Variants in CACUL1 observed in about 807,000 individuals in gnomAD.
The protein encoded by CACUL1 is CDK2-associated and cullin domain-containing protein 1.
Under a neutral mutation model 45.2 loss-of-function variants are expected in CACUL1, and 13 were observed. That is an observed-to-expected ratio of 0.29 (90% confidence interval 0.19 to 0.46). CACUL1 has a LOEUF of 0.46. Among genes scored for constraint, CACUL1 ranks in the 20% least tolerant of loss-of-function variants. The pLI, the probability that CACUL1 is intolerant of heterozygous loss-of-function variation, is 1.00. For missense variants in CACUL1, 421 were observed against 471.4 expected, an observed-to-expected ratio of 0.89 and a Z score of 0.99; for synonymous variants, 197 against 174.2, an observed-to-expected ratio of 1.13 and a Z score of -1.03.
At chr10:118,691,128 T>C in intron 7 of CACUL1, 137 bp downstream of exon 7, 1 of 710,694 alleles carries the variant, frequency 1.4e-6, no homozygotes, top group Non-Finnish European at 2.4e-6. Context: ...GACAAGGAGC[T>C]AATGTCTTCT....
intron 3 of CACUL1, among the ~76,000 whole-genome samples, chr10:118,726,732 T>G (rs1430529694): frequency 1.3e-5 from 2 of 152,222 alleles, no homozygotes; most frequent in African/African-American, 4.8e-5. Flanking sequence ...GTAAATCTAC[T>G]TCCTTTTGAT....
chr10:118,742,920 T>C (rs1009063313), intron 1 of CACUL1, among the ~76,000 whole-genome samples: 2 of 152,152 alleles, frequency 1.3e-5, no homozygotes, highest in Non-Finnish European at 2.9e-5. Context: ...TGCTGAACAA[T>C]GAAGAAAGAA....
intron 1 of CACUL1, among the ~76,000 whole-genome samples, chr10:118,733,946 G>A (rs1845720151): frequency 6.6e-6 from 1 of 152,186 alleles, no homozygotes; most frequent in South Asian, 2.1e-4. Context: ...AAGCCCAAAG[G>A]TCAAGGTTGC....
At chr10:118,704,214 G>GAAAAAAAAAAAA (rs563822145) in intron 4 of CACUL1, among the ~76,000 whole-genome samples, 1 of 129,700 alleles carries the variant, frequency 7.7e-6, no homozygotes, top group African/African-American at 2.9e-5. Context: ...CATCGCTACT[G>GAAAAAAAAAAAA]AAAAAAAAAA....
intron 5 of CACUL1, among the ~76,000 whole-genome samples, chr10:118,698,982 G>A (rs369897476): frequency 2.0e-5 from 3 of 152,286 alleles, no homozygotes; most frequent in East Asian, 3.9e-4. Flanking sequence ...ATTAATAGCT[G>A]TGCTATTCTG....
In CACUL1 at chr10:118,731,170, A is replaced by G. The variant is rs77655108; in HGVS notation, c.368-760T>C. On this transcript the variant is annotated intron_variant, in intron 1 of 8. Transcript: ENST00000369151. Reference sequence around the variant, plus strand: ...GTTGCTTCACGGCACTGAAATGTTAATATTAAAAAAAGAGCTACCAGAAGA... The same window carrying G: ...GTTGCTTCACGGCACTGAAATGTTAGTATTAAAAAAAGAGCTACCAGAAGA... Among the ~76,000 whole-genome samples the G allele has an allele frequency of 3.8e-3, 582 of 152,300 alleles. 30 individuals carry two copies. The East Asian group carries it at 0.1, about 26-fold the overall frequency.
chr10:118,735,305 A>G (rs1163796607), intron 1 of CACUL1, among the ~76,000 whole-genome samples: 1 of 152,238 alleles, frequency 6.6e-6, no homozygotes, highest in Non-Finnish European at 1.5e-5. Flanking sequence ...GGAAGAATAA[A>G]TTCAGGAATT....
rs970866959 is a variant in CACUL1 at position 118,676,921 on chromosome 10, G to A, written c.*9207C>T. The A allele has an allele frequency of 6.6e-6, 1 of 152,012 alleles. No individual in the cohort carries two copies. Among genetic ancestry groups the A allele is most frequent in the Non-Finnish European group, 1.5e-5 (1 of 68,014 alleles). The allele number at this position is 152,012 out of a possible 1,614,324, so 9.4% of individuals were successfully genotyped here. On this transcript the variant is annotated 3_prime_UTR_variant, in exon 9 of 9. Coordinates refer to ENST00000369151, the MANE Select transcript of CACUL1 (RefSeq NM_153810.5). ...TAAAGGCAGGTGAGTGAGTTTAATAGGGTTTTCGGTTTCATTGCTTGTATT... is the reference window on the plus strand; with the variant it reads ...TAAAGGCAGGTGAGTGAGTTTAATAAGGTTTTCGGTTTCATTGCTTGTATT...
chr10:118,697,411 AATC>A (rs1191105122), intron 5 of CACUL1, among the ~76,000 whole-genome samples: 2 of 152,350 alleles, frequency 1.3e-5, no homozygotes, highest in African/African-American at 2.4e-5. Context: ...TATACGCAAC[AATC>A]ATCCCACAGA....
In CACUL1 at chr10:118,682,696, A is replaced by G. The variant is rs1234706419; in HGVS notation, c.*3432T>C. On this transcript the variant is annotated 3_prime_UTR_variant, in exon 9 of 9. Transcript: ENST00000369151. ...CATGCAAACTCTTCCTGAGGAATTT[A>G]TGTGTGCAAATCTGCAACCCGACAG... The G allele has an allele frequency of 2.0e-5, 3 of 152,658 alleles. No individual in the cohort carries two copies. Among genetic ancestry groups the G allele is most frequent in the Admixed American group, 1.3e-4 (2 of 15,284 alleles). The allele number at this position is 152,658 out of a possible 1,614,324, so 9.5% of individuals were successfully genotyped here. A position where few individuals can be genotyped will look rare whatever the true frequency, so the allele number is the denominator to read the frequency against.
At chr10:118,730,477 T>C in intron 1 of CACUL1, 67 bp from the exon 2 acceptor site, 1 of 1,427,716 alleles carries the variant, frequency 7.0e-7, no homozygotes, top group Non-Finnish European at 9.6e-7. Flanking sequence ...ATCACAGCCA[T>C]TTTGCACTCT....
intron 3 of CACUL1, among the ~76,000 whole-genome samples, chr10:118,719,462 G>C (rs548489459): frequency 6.6e-6 from 1 of 152,090 alleles, no homozygotes; most frequent in African/African-American, 2.4e-5. Context: ...GATGTGTCAT[G>C]GCCCTAGAAG....
intron 1 of CACUL1, among the ~76,000 whole-genome samples, chr10:118,742,989 T>C (rs998439937): frequency 1.2e-4 from 19 of 152,222 alleles, no homozygotes; most frequent in African/African-American, 4.6e-4. Context: ...TTATTCACTA[T>C]ACTACTTCAA....
intron 3 of CACUL1, among the ~76,000 whole-genome samples, chr10:118,708,755 A>G (rs1012510644): frequency 6.6e-6 from 1 of 152,156 alleles, no homozygotes; most frequent in African/African-American, 2.4e-5. Context: ...GGCTCAGAAA[A>G]AAGGCCATGT....
chr10:118,697,865 C>T (rs76001466), intron 5 of CACUL1, among the ~76,000 whole-genome samples: 3 of 152,274 alleles, frequency 2.0e-5, no homozygotes, highest in African/African-American at 4.8e-5. Context: ...CAACATACGA[C>T]GTAAATACTT....
At chr10:118,691,489 A>G (rs1845265772) in intron 6 of CACUL1, 86 bp from the exon 7 acceptor site, 2 of 1,233,262 alleles carry the variant, frequency 1.6e-6, no homozygotes, top group African/African-American at 3.0e-5. Context: ...TTTAAAATAT[A>G]TAGTAAGCCA....
rs536913519 is a variant in CACUL1, at chr10:118,690,465, T to C, written c.1025+800A>G. Among the ~76,000 whole-genome samples, 16 of 152,274 alleles carry C rather than the reference T, an allele frequency of 1.1e-4. No individual in the cohort carries two copies. In the East Asian group the frequency reaches 2.9e-3, roughly 28 times the overall value. ...TTGAAAAATGCACTCTGCAAGATTTTTTGGGATATGACCACGTTAATTAAG... is the reference window on the plus strand; with the variant it reads ...TTGAAAAATGCACTCTGCAAGATTTCTTGGGATATGACCACGTTAATTAAG... On this transcript the variant is annotated intron_variant, in intron 7 of 8. Transcript: ENST00000369151.
At chr10:118,743,907 C>CAG (rs1218643508) in intron 1 of CACUL1, among the ~76,000 whole-genome samples, 9 of 151,720 alleles carry the variant, frequency 5.9e-5, no homozygotes, top group African/African-American at 2.2e-4. Context: ...TGAAGGCCAA[C>CAG]AGAACTACAT....
intron 7 of CACUL1, among the ~76,000 whole-genome samples, chr10:118,687,343 A>C (rs933268737): frequency 6.6e-6 from 1 of 152,132 alleles, no homozygotes; most frequent in African/African-American, 2.4e-5. Flanking sequence ...ATTTATATAC[A>C]CTGGCAAGTT....
Sources: allele counts gnomAD v4.1 joint callset (sites outside exome capture counted in the v4.1 genomes callset), GRCh38; gene constraint gnomAD v4.1.1; transcripts MANE v1.5; gene names NCBI Gene and HGNC (gene_info 2026-07-23, HGNC 2026-07-21).